The following CFAP97 variants were observed in gnomAD, a reference collection of about 807,000 sequenced individuals.
The protein encoded by CFAP97 is cilia and flagella associated protein 97.
In CFAP97, 36 loss-of-function variants were observed where a neutral mutation model predicts 43.1. The ratio of observed to expected loss-of-function variants is 0.84; its 90% CI spans 0.64 to 1.10. The LOEUF is 1.10. Ranked by LOEUF, CFAP97 falls within the 50% of genes least tolerant of loss-of-function variation. CFAP97 has a pLI of 0.00. For synonymous variants in CFAP97, 228 were observed against 225.7 expected, an observed-to-expected ratio of 1.01 and a Z score of -0.09; for missense variants, 657 against 620.3, an observed-to-expected ratio of 1.06 and a Z score of -0.63.
intron 2 of CFAP97, among the ~76,000 whole-genome samples, chr4:185,187,016 T>C (rs778057333): frequency 6.6e-6 from 1 of 152,100 alleles, no homozygotes. Context: ...CTAGCTTAAC[T>C]AATGAACACA....
chr4:185,176,154 C>T (rs1294144067), intron 2 of CFAP97, 103 bp from the exon 3 acceptor site: 16 of 1,070,560 alleles, frequency 1.5e-5, no homozygotes, highest in Non-Finnish European at 1.9e-5. Context: ...CTCTTGTTAC[C>T]CAGACTGGAG....
upstream of CFAP97, among the ~76,000 whole-genome samples, chr4:185,207,443 C>G (rs1045591628): frequency 6.6e-6 from 1 of 152,026 alleles, no homozygotes; most frequent in Non-Finnish European, 1.5e-5. Context: ...GTCTCAAACT[C>G]CTGAGCTCAG....
upstream of CFAP97, among the ~76,000 whole-genome samples, chr4:185,208,114 T>G (rs1218141224): frequency 2.6e-5 from 4 of 152,224 alleles, no homozygotes; most frequent in Admixed American, 6.5e-5. Context: ...TTTATTTATT[T>G]TATTTTATTT....
chr4:185,190,626 C>A lies in CFAP97; in HGVS notation c.571G>T (p.Ala191Ser), dbSNP rs1261196152. 3 of 1,598,230 alleles carry A rather than the reference C, an allele frequency of 1.9e-6. No homozygotes were observed. The highest frequency in any genetic ancestry group is 2.6e-6 in the Non-Finnish European group (3 of 1,171,692). Residue 191 changes from alanine to serine, a missense_variant, in exon 2 of 5, where the codon GCA (alanine) becomes TCA (serine). Ala to Ser is a moderately conservative substitution (Grantham distance 99, BLOSUM62 1). Coordinates refer to ENST00000458385, the MANE Select transcript of CFAP97 (RefSeq NM_020827.3). ...TCAGATAGATGGCTATCAGACCCTGCATCTAAACAATCTGTACCTGAACCT... is the reference window on the plus strand; with the variant it reads ...TCAGATAGATGGCTATCAGACCCTGAATCTAAACAATCTGTACCTGAACCT... Reference protein sequence around the residue: ...SSGSGTDCLDAGSDSHLSDSS... With the variant: ...SSGSGTDCLDSGSDSHLSDSS...
chr4:185,180,879 C>G (rs1735753510), intron 2 of CFAP97, among the ~76,000 whole-genome samples: 1 of 152,080 alleles, frequency 6.6e-6, no homozygotes, highest in South Asian at 2.1e-4. Context: ...TTAACACCCC[C>G]CCTAAAGACT....
chr4:185,173,052 G>T (rs1391159921), intron 3 of CFAP97, among the ~76,000 whole-genome samples: 2 of 151,284 alleles, frequency 1.3e-5, no homozygotes, highest in African/African-American at 4.9e-5. Flanking sequence ...TGGACTAATA[G>T]GATTTTTTAA....
chr4:185,178,420 G>A (rs982126959), intron 2 of CFAP97, among the ~76,000 whole-genome samples: 1 of 151,450 alleles, frequency 6.6e-6, no homozygotes, highest in Non-Finnish European at 1.5e-5. Flanking sequence ...GCTAATTTTT[G>A]TATTTTTCGT....
intron 2 of CFAP97, among the ~76,000 whole-genome samples, chr4:185,177,770 G>C (rs1735611198): frequency 6.6e-6 from 1 of 152,196 alleles, no homozygotes; most frequent in Admixed American, 6.5e-5. Flanking sequence ...AGCAGGCAGA[G>C]GTTGCAGTGA....
chr4:185,191,479 A>G (rs1736252954), intron 1 of CFAP97, among the ~76,000 whole-genome samples: 1 of 152,240 alleles, frequency 6.6e-6, no homozygotes, highest in African/African-American at 2.4e-5. Context: ...GATGTCACAA[A>G]CATGGATACC....
rs560853336 is a variant in CFAP97, at chr4:185,163,956, A to T, written c.1471+73T>A. On this transcript the variant is annotated intron_variant, in intron 4 of 4. Coordinates refer to ENST00000458385, the MANE Select transcript of CFAP97 (RefSeq NM_020827.3). The stretch of plus-strand genomic sequence containing the variant: ...AGTTGGCATTTAAAACTCTATCATA[A>T]TAACATGTTACGTTTTTTTAAAAAA... The T allele has an allele frequency of 2.9e-6, 4 of 1,384,360 alleles. No homozygotes were observed. The African/African-American group carries it at 5.7e-5, about 20-fold the overall frequency. 85.8% of individuals were successfully genotyped at this position (1,384,360 alleles called of 1,614,324 possible). A position where few individuals can be genotyped will look rare whatever the true frequency, so the allele number is the denominator to read the frequency against.
chr4:185,205,960 AAGTCAAAAACACAATG>A (rs1190331291), upstream of CFAP97, among the ~76,000 whole-genome samples: 1 of 152,272 alleles, frequency 6.6e-6, no homozygotes, highest in African/African-American at 2.4e-5. Flanking sequence ...AGGGAAATGC[AAGTCAAAAACACAATG>A]AGATACCGAT....
At chr4:185,179,256 G>C (rs1735685749) in intron 2 of CFAP97, among the ~76,000 whole-genome samples, 1 of 152,090 alleles carries the variant, frequency 6.6e-6, no homozygotes, top group Non-Finnish European at 1.5e-5. Context: ...CATATGGGAA[G>C]AATGTTAATA....
At chr4:185,178,435 A>T (rs1735648441) in intron 2 of CFAP97, among the ~76,000 whole-genome samples, 1 of 151,374 alleles carries the variant, frequency 6.6e-6, no homozygotes, top group African/African-American at 2.4e-5. Context: ...TTTCGTCGAG[A>T]TGGGGGCTTC....
At position 185,159,822 on chromosome 4, in the gene CFAP97, C is replaced by T. The variant is rs1734814971; in HGVS notation, c.*2976G>A. ...ATAAAGAAGCCATAACTGTTAAGCA[C>T]ATTTTCTAAGATTGTATATAATCAT... On this transcript the variant is annotated 3_prime_UTR_variant, in exon 5 of 5. Coordinates refer to ENST00000458385, the MANE Select transcript of CFAP97 (RefSeq NM_020827.3). 6.6e-6 allele frequency: 1 copy of T among 152,180 alleles called. No individual in the cohort carries two copies. The highest frequency in any genetic ancestry group is 1.5e-5 in the Non-Finnish European group (1 of 68,032). The allele number at this position is 152,180 out of a possible 1,614,324, so 9.4% of individuals were successfully genotyped here.
intron 3 of CFAP97, among the ~76,000 whole-genome samples, chr4:185,168,666 G>A (rs543394245): frequency 8.1e-4 from 122 of 151,018 alleles, no homozygotes; most frequent in African/African-American, 2.8e-3. Flanking sequence ...AGGCTGAGGC[G>A]GGCAGATCAC....
chr4:185,176,522 G>A lies in CFAP97; in HGVS notation c.1055-471C>T, dbSNP rs1441428226. Among the ~76,000 whole-genome samples, 3 of 152,226 alleles carry A rather than the reference G, an allele frequency of 2.0e-5. No homozygotes were observed. In the South Asian group the frequency reaches 6.2e-4, roughly 32 times the overall value. On this transcript the variant is annotated intron_variant, in intron 2 of 4. Coordinates refer to ENST00000458385, the MANE Select transcript of CFAP97 (RefSeq NM_020827.3). ...ACAACTTTGTAGAAAAAAATTGGAC[G>A]TAGCTTAGTATTTTATGCTCACCGG...
In CFAP97 at chr4:185,209,300, C is replaced by G. The variant is rs1427516293; in HGVS notation, c.-74+25G>C. 1 of 152,266 alleles carries G rather than the reference C, an allele frequency of 6.6e-6. No homozygotes were observed. Among genetic ancestry groups the G allele is most frequent in the East Asian group, 1.9e-4 (1 of 5,198 alleles). 9.4% of individuals were successfully genotyped at this position (152,266 alleles called of 1,614,324 possible). On this transcript the variant is annotated intron_variant, in intron 1 of 2. Transcript: ENST00000503223. This position sits in a 1 kb window ranked among gnomAD's most constrained non-coding sequence, Gnocchi z 5.2. The stretch of plus-strand genomic sequence containing the variant: ...GAAGAGGTTACTCGTCAGTGATGAG[C>G]GGAGAGGGAGAATTACGGGATCACC...
intron 3 of CFAP97, among the ~76,000 whole-genome samples, chr4:185,167,463 TCAAA>T (rs756370999): frequency 1.6e-4 from 24 of 152,048 alleles, no homozygotes; most frequent in East Asian, 5.8e-4. Context: ...AGACCTTATC[TCAAA>T]CAAACAAACA....
rs138702987 is a variant in CFAP97 at position 185,173,650 on chromosome 4, T to A, written c.1320+2136A>T. On this transcript the variant is annotated intron_variant, in intron 3 of 4. Transcript: ENST00000458385. ...TAAACCAGATACAAAAGGACAAATA[T>A]TGTACAGTTCTACTCATATGAAATA... Among the ~76,000 whole-genome samples the A allele has an allele frequency of 6.6e-3, 999 of 152,272 alleles. 12 individuals are homozygous for A. Among genetic ancestry groups the A allele is most frequent in the South Asian group, 0.016 (79 of 4,822 alleles).
Sources: allele counts gnomAD v4.1 joint callset (sites outside exome capture counted in the v4.1 genomes callset), GRCh38; gene constraint gnomAD v4.1.1; non-coding constraint Gnocchi (gnomAD v3.1); transcripts MANE v1.5; gene names NCBI Gene and HGNC (gene_info 2026-07-23, HGNC 2026-07-21).